Variants in NTN1 observed in about 807,000 individuals in gnomAD.
NTN1 encodes netrin-1.
A neutral mutation model predicts 54.2 loss-of-function variants in NTN1; 11 were observed. The observed-to-expected ratio is 0.20, with a 90% CI of 0.13 to 0.34. The LOEUF is 0.34. Among genes scored for constraint, NTN1 ranks in the 10% least tolerant of loss-of-function variants. The pLI is 1.00. For missense variants in NTN1, 740 were observed against 893.1 expected (o/e 0.83, Z 2.18); for synonymous variants, 371 against 382.0 (o/e 0.97, Z 0.33).
chr17:9,206,912 CA>C, intron 5 of NTN1, among the ~76,000 whole-genome samples: 1 of 152,156 alleles, frequency 6.6e-6, no homozygotes. Flanking sequence ...CAGCATTTTC[CA>C]AAATTGCCTT....
At chr17:9,162,058 G>A (rs1242846912) in intron 2 of NTN1, among the ~76,000 whole-genome samples, 1 of 152,200 alleles carries the variant, frequency 6.6e-6, no homozygotes, top group Non-Finnish European at 1.5e-5. Flanking sequence ...AATGCTCATG[G>A]GGAGGGAACA....
At chr17:9,193,938 A>AAAAAAAAAAAGAAAAAAAAAAAAAAC (rs796452392) in intron 5 of NTN1, among the ~76,000 whole-genome samples, 1 of 108,306 alleles carries the variant, frequency 9.2e-6, no homozygotes, top group Non-Finnish European at 1.9e-5. Flanking sequence ...AAAAAAAAAA[A>AAAAAAAAAAAGAAAAAAAAAAAAAAC]AAAAAACATT....
At chr17:9,125,799 C>T (rs1355704626) in intron 2 of NTN1, among the ~76,000 whole-genome samples, 2 of 152,270 alleles carry the variant, frequency 1.3e-5, no homozygotes, top group South Asian at 4.1e-4. Context: ...TTCATGATCA[C>T]GTGACCTTCT....
chr17:9,023,841 G>A (rs2091861851), intron 2 of NTN1, among the ~76,000 whole-genome samples: 1 of 152,224 alleles, frequency 6.6e-6, no homozygotes, highest in South Asian at 2.1e-4. Flanking sequence ...AATCCCTTGG[G>A]AGATGGCAAA....
intron 2 of NTN1, among the ~76,000 whole-genome samples, chr17:9,142,076 G>T (rs966888696): frequency 6.6e-6 from 1 of 152,078 alleles, no homozygotes; most frequent in Admixed American, 6.5e-5. Context: ...GCAGTGAGCC[G>T]AGATCGTGCC....
At chr17:9,079,210 G>A (rs915788044) in intron 2 of NTN1, among the ~76,000 whole-genome samples, 2 of 152,188 alleles carry the variant, frequency 1.3e-5, no homozygotes, top group Non-Finnish European at 2.9e-5. Context: ...CTGTGCCAAG[G>A]GAGTAGAACC....
chr17:9,118,870 A>G (rs764141551), intron 2 of NTN1, among the ~76,000 whole-genome samples: 9 of 152,154 alleles, frequency 5.9e-5, no homozygotes, highest in Non-Finnish European at 1.2e-4. Context: ...CATTGTAGAG[A>G]TATATTGCAT....
chr17:9,044,989 T>C (rs933570355), intron 2 of NTN1, among the ~76,000 whole-genome samples: 14 of 152,156 alleles, frequency 9.2e-5, no homozygotes, highest in African/African-American at 3.1e-4. Context: ...CTTGAATGGA[T>C]TATGACCCCG....
intron 2 of NTN1, among the ~76,000 whole-genome samples, chr17:9,115,465 T>C (rs963064325): frequency 5.9e-5 from 9 of 152,240 alleles, no homozygotes; most frequent in African/African-American, 2.2e-4. Flanking sequence ...GCCGGGCTCC[T>C]GGCTGGACCA....
intron 5 of NTN1, among the ~76,000 whole-genome samples, chr17:9,217,422 A>G (rs1453100143): frequency 6.6e-6 from 1 of 152,216 alleles, no homozygotes; most frequent in Admixed American, 6.5e-5. Context: ...CAAAACAAGG[A>G]GGAGCTACAT....
At chr17:9,179,342 C>G (rs2092410977) in intron 3 of NTN1, among the ~76,000 whole-genome samples, 1 of 152,182 alleles carries the variant, frequency 6.6e-6, no homozygotes, top group South Asian at 2.1e-4. Context: ...CACCAGGCCT[C>G]AAACCCCACT....
chr17:9,028,398 C>G (rs764307445), intron 2 of NTN1, among the ~76,000 whole-genome samples: 2 of 152,100 alleles, frequency 1.3e-5, no homozygotes, highest in African/African-American at 2.4e-5. Flanking sequence ...TGATCAGGAA[C>G]CTCGAGGCAA....
In NTN1 at chr17:9,165,770, A is replaced by G. The variant is rs1420912404; in HGVS notation, c.1207+2769A>G. 2.0e-5 allele frequency among the ~76,000 whole-genome samples: 3 copies of G among 152,200 alleles called. No individual in the cohort carries two copies. The highest frequency in any genetic ancestry group is 4.4e-5 in the Non-Finnish European group (3 of 68,040). ...CACCTGATTGGTGACAGAAGACTAC[A>G]CTTAAAAATATTTGCCACCTGATTG... is the stretch of plus-strand genomic sequence containing the variant. On this transcript the variant is annotated intron_variant, in intron 3 of 6. Coordinates refer to ENST00000173229, the MANE Select transcript of NTN1 (RefSeq NM_004822.3). The surrounding 1 kb of genome is among the most constrained non-coding windows in gnomAD (Gnocchi z 4.5).
chr17:9,229,187 C>G (rs950962386), intron 6 of NTN1, among the ~76,000 whole-genome samples: 5 of 151,942 alleles, frequency 3.3e-5, no homozygotes, highest in African/African-American at 7.3e-5. Context: ...TGACTGTGCT[C>G]TCTTGGGGGT....
Position 9,022,789 on chromosome 17 carries a change from G to A in NTN1, c.416G>A (p.Gly139Asp). 6 of 1,610,690 alleles carry A rather than the reference G, an allele frequency of 3.7e-6. No homozygotes were observed. The highest frequency in any genetic ancestry group is 5.1e-6 in the Non-Finnish European group (6 of 1,179,126). ...PHNVTLTLSL[G>D]KKFEVTYVSL... ...AACGTCACGCTCACACTGTCCCTCG[G>A]CAAGAAGTTCGAAGTGACCTACGTG... Residue 139 changes from glycine (G) to aspartate (D), a missense_variant, in exon 2 of 7, where the codon GGC becomes GAC. Physicochemically the swap from Gly to Asp is moderately conservative, Grantham distance 94. Transcript: ENST00000173229.
chr17:9,106,922 G>A (rs542398702), intron 2 of NTN1, among the ~76,000 whole-genome samples: 2 of 152,194 alleles, frequency 1.3e-5, no homozygotes, highest in South Asian at 2.1e-4. Flanking sequence ...TCCATACCCC[G>A]TGCTAAACAC....
intron 2 of NTN1, among the ~76,000 whole-genome samples, chr17:9,142,532 G>A (rs1459975099): frequency 4.6e-5 from 7 of 151,972 alleles, no homozygotes; most frequent in African/African-American, 9.7e-5. Context: ...TACACCTGTG[G>A]AGTGTGAACC....
chr17:9,125,741 G>A (rs1300048643), intron 2 of NTN1, among the ~76,000 whole-genome samples: 1 of 152,164 alleles, frequency 6.6e-6, no homozygotes, highest in Non-Finnish European at 1.5e-5. Context: ...AAAGTGCTGA[G>A]ATTACAGGCG....
intron 3 of NTN1, chr17:9,179,017 G>T (rs1346632282): frequency 2.0e-5 from 3 of 152,262 alleles, no homozygotes; most frequent in Admixed American, 1.3e-4. Flanking sequence ...TCAAGCCCAG[G>T]AGGAGGGTGG....
Sources: allele counts gnomAD v4.1 joint callset (sites outside exome capture counted in the v4.1 genomes callset), GRCh38; gene constraint gnomAD v4.1.1; non-coding constraint Gnocchi (gnomAD v3.1); transcripts MANE v1.5; gene names NCBI Gene and HGNC (gene_info 2026-07-23, HGNC 2026-07-21).